NT5C2: variants seen among roughly 807,000 people sequenced by gnomAD.
NT5C2 encodes the protein 5'-nucleotidase, cytosolic II.
NT5C2 carries 58 observed loss-of-function variants against 76.1 expected under a neutral mutation model. That is an observed-to-expected ratio of 0.76 (90% confidence interval 0.62 to 0.95). The LOEUF is 0.95. Ranked by LOEUF, NT5C2 falls within the 40% of genes least tolerant of loss-of-function variation. The probability of loss-of-function intolerance (pLI) is 0.00; values close to 1 mark genes in which losing one functional copy is unlikely to be tolerated. For missense variants in NT5C2, 478 were observed against 690.3 expected, an observed-to-expected ratio of 0.69 and a Z score of 3.45; for synonymous variants, 229 against 237.4, an observed-to-expected ratio of 0.96 and a Z score of 0.32.
rs957637137 is a variant in NT5C2, at chr10:103,091,756, C to T, written c.1160-141G>A. The T allele has an allele frequency of 1.5e-5, 10 of 661,264 alleles. No individual in the cohort carries two copies. The South Asian group carries it at 1.8e-4, about 12-fold the overall frequency. 41.0% of individuals were successfully genotyped at this position (661,264 alleles called of 1,614,324 possible). ...CATGCTGAGTGTACAGTTACCTCCT[C>T]TTCCCCTCTTCAGGATAACTCACTG... On this transcript the variant is annotated intron_variant, in intron 15 of 18. Coordinates refer to ENST00000404739, the MANE Select transcript of NT5C2 (RefSeq NM_001351169.2).
chr10:103,180,198 A>G (rs2863728), intron 2 of NT5C2, among the ~76,000 whole-genome samples: 311 of 152,344 alleles, frequency 2.0e-3, no homozygotes, highest in Non-Finnish European at 2.6e-3. Context: ...TAAAAACACA[A>G]TAAGATACCA....
Position 103,096,912 on chromosome 10 carries a change from C to T in NT5C2, c.771+379G>A, listed in dbSNP as rs147457143. Among the ~76,000 whole-genome samples the T allele has an allele frequency of 7.5e-4, 112 of 148,454 alleles. 1 individual carries two copies. Among genetic ancestry groups the T allele is most frequent in the African/African-American group, 2.7e-3 (109 of 40,250 alleles). On this transcript the variant is annotated intron_variant, in intron 11 of 18. Transcript: ENST00000404739. ...ACAGCTAAGAGCCAAAACATCTGTGCAGCATCTATTGCTGCAGGTCTTCCA... is the reference window on the plus strand; with the variant it reads ...ACAGCTAAGAGCCAAAACATCTGTGTAGCATCTATTGCTGCAGGTCTTCCA...
rs568135879 is a variant in NT5C2 at position 103,176,496 on chromosome 10, G to C, written c.-24-1514C>G. On this transcript the variant is annotated intron_variant, in intron 2 of 18. Coordinates refer to ENST00000404739, the MANE Select transcript of NT5C2 (RefSeq NM_001351169.2). ...CCAAACATTGCATACCCAGCCTCCC[G>C]CCGTTGAGTTTTAGTCTCTTGTGCT... 3.3e-5 allele frequency among the ~76,000 whole-genome samples: 5 copies of C among 152,230 alleles called. No homozygotes were observed. In the South Asian group the frequency reaches 1.0e-3, roughly 32 times the overall value.
intron 4 of NT5C2, among the ~76,000 whole-genome samples, chr10:103,113,199 G>C (rs1274230321): frequency 6.6e-6 from 1 of 152,078 alleles, no homozygotes; most frequent in Non-Finnish European, 1.5e-5. Context: ...AATAAGTAAA[G>C]TGGAGTTTGA....
intron 11 of NT5C2, 31 bp downstream of exon 11, chr10:103,097,260 G>C (rs2068434857): frequency 4.0e-6 from 6 of 1,487,936 alleles, no homozygotes; most frequent in Admixed American, 1.8e-5. Flanking sequence ...TAATTCCACT[G>C]CATAAATAAA....
intron 3 of NT5C2, among the ~76,000 whole-genome samples, chr10:103,155,727 G>C (rs1249774952): frequency 1.2e-4 from 19 of 152,174 alleles, no homozygotes. Flanking sequence ...ACAGAACACA[G>C]AATCTGAGGA....
chr10:103,189,869 C>T (rs2092477080), intron 1 of NT5C2, among the ~76,000 whole-genome samples: 1 of 151,628 alleles, frequency 6.6e-6, no homozygotes. Context: ...GGGGTTTCAC[C>T]ATGTTGGCCA....
Position 103,189,772 on chromosome 10 carries a change from G to A in NT5C2, c.-169+3464C>T, listed in dbSNP as rs1323325371. Among the ~76,000 whole-genome samples the A allele has an allele frequency of 2.7e-5, 4 of 150,902 alleles. 1 individual carries two copies. The highest frequency in any genetic ancestry group is 2.6e-4 in the Admixed American group (4 of 15,182). On this transcript the variant is annotated intron_variant, in intron 1 of 18. Transcript: ENST00000404739. Reference sequence around the variant, plus strand: ...CAACCTCTGCCTCCCAGGTTCAAGCGATTCTCGTGTCTCAGCCTCCTGAGT... The same window carrying A: ...CAACCTCTGCCTCCCAGGTTCAAGCAATTCTCGTGTCTCAGCCTCCTGAGT...
chr10:103,125,273 G>A, intron 4 of NT5C2: 1 of 647,666 alleles, frequency 1.5e-6, no homozygotes, highest in East Asian at 3.4e-5. Context: ...TTCGCCAATG[G>A]AACCATGCTT....
chr10:103,089,574 C>T lies in NT5C2; in HGVS notation c.*98G>A. On this transcript the variant is annotated 3_prime_UTR_variant, in exon 19 of 19. Transcript: ENST00000404739. ...TCAGACGTACCTTTCATGGAGCCCC[C>T]TCCCTCCCCCGAGTAGAACCCTAAC... 1.4e-6 allele frequency: 2 copies of T among 1,429,298 alleles called. No homozygotes were observed. The highest frequency in any genetic ancestry group is 9.2e-7 in the Non-Finnish European group (1 of 1,089,638). 88.5% of individuals were successfully genotyped at this position (1,429,298 alleles called of 1,614,324 possible).
chr10:103,111,710 C>T (rs1417111018), intron 4 of NT5C2: 8 of 1,219,554 alleles, frequency 6.6e-6, no homozygotes, highest in Non-Finnish European at 8.2e-6. Flanking sequence ...GAGGTTCCAG[C>T]CTAGCAGAGT....
At chr10:103,105,859 G>A (rs1007587451) in intron 5 of NT5C2, 58 bp from the exon 6 acceptor site, 7 of 1,198,050 alleles carry the variant, frequency 5.8e-6, no homozygotes, top group Non-Finnish European at 8.7e-6. Context: ...ATAATTTTAT[G>A]TAGTAGTATT....
At chr10:103,120,849 A>G (rs745856118) in intron 4 of NT5C2, among the ~76,000 whole-genome samples, 2 of 152,226 alleles carry the variant, frequency 1.3e-5, no homozygotes, top group African/African-American at 2.4e-5. Flanking sequence ...TTAAATACCA[A>G]TGTTCACAGC....
chr10:103,169,788 T>C (rs1468435945), intron 3 of NT5C2, among the ~76,000 whole-genome samples: 1 of 152,000 alleles, frequency 6.6e-6, no homozygotes, highest in Non-Finnish European at 1.5e-5. Context: ...CAAAACCAGC[T>C]TGGACAACAT....
intron 3 of NT5C2, chr10:103,153,232 T>A: frequency 8.5e-7 from 1 of 1,169,826 alleles, no homozygotes; most frequent in Non-Finnish European, 1.1e-6. Flanking sequence ...TTTTAATTCA[T>A]GCAGATGATA....
chr10:103,106,334 A>G (rs973638242), intron 5 of NT5C2, among the ~76,000 whole-genome samples: 1 of 151,924 alleles, frequency 6.6e-6, no homozygotes, highest in African/African-American at 2.4e-5. Flanking sequence ...AGTTTTAGTA[A>G]TCTCCTTTTT....
At chr10:103,167,480 T>C (rs890840240) in intron 3 of NT5C2, among the ~76,000 whole-genome samples, 2 of 152,118 alleles carry the variant, frequency 1.3e-5, no homozygotes, top group Admixed American at 6.6e-5. Flanking sequence ...GCTTGATTAA[T>C]GACAAAATTA....
chr10:103,114,467 A>G lies in NT5C2; in HGVS notation c.176-7761T>C, dbSNP rs151319213. ...AAATACTGACCCAATTAAATAAACA[A>G]AAACTCTTTCAGCCAAACTATGGTC... On this transcript the variant is annotated intron_variant, in intron 4 of 18. Coordinates refer to ENST00000404739, the MANE Select transcript of NT5C2 (RefSeq NM_001351169.2). Among the ~76,000 whole-genome samples, 406 of 152,228 alleles carry G rather than the reference A, an allele frequency of 2.7e-3. 2 individuals are homozygous for G. Among genetic ancestry groups the G allele is most frequent in the African/African-American group, 9.5e-3 (394 of 41,556 alleles).
intron 3 of NT5C2, among the ~76,000 whole-genome samples, chr10:103,151,658 T>C (rs997586823): frequency 2.0e-5 from 3 of 152,170 alleles, no homozygotes; most frequent in Non-Finnish European, 4.4e-5. Context: ...CTTTGGGTGA[T>C]TTAACTCTAT....
Sources: allele counts gnomAD v4.1 joint callset (sites outside exome capture counted in the v4.1 genomes callset), GRCh38; gene constraint gnomAD v4.1.1; transcripts MANE v1.5; gene names NCBI Gene and HGNC (gene_info 2026-07-23, HGNC 2026-07-21).